CDCA2: variants seen among roughly 807,000 people sequenced by gnomAD.
The protein encoded by CDCA2 is cell division cycle-associated protein 2.
CDCA2 carries 44 observed loss-of-function variants against 67.0 expected under a neutral mutation model. That is an observed-to-expected ratio of 0.66 (90% CI 0.52 to 0.84). The LOEUF (loss-of-function observed/expected upper bound fraction) is 0.84, where lower values mean the gene tolerates loss of function less well. CDCA2 is among the 40% of genes least tolerant of loss of function. The pLI is 0.00. For synonymous variants in CDCA2, 447 were observed against 418.7 expected (o/e 1.07, Z -0.82); for missense variants, 1,253 against 1,203.2 (o/e 1.04, Z -0.61).
intron 8 of CDCA2, among the ~76,000 whole-genome samples, chr8:25,481,020 C>T (rs974526397): frequency 1.3e-5 from 2 of 152,038 alleles, no homozygotes; most frequent in African/African-American, 4.8e-5. Context: ...TGCCTACAAG[C>T]CTGTTCTGAT....
intron 7 of CDCA2, among the ~76,000 whole-genome samples, chr8:25,471,498 A>G (rs1803153894): frequency 6.6e-6 from 1 of 152,074 alleles, no homozygotes; most frequent in Non-Finnish European, 1.5e-5. Context: ...AGTAGCTAGA[A>G]TTACAGGTGC....
intron 7 of CDCA2, among the ~76,000 whole-genome samples, chr8:25,475,347 C>A (rs569316417): frequency 6.6e-6 from 1 of 152,088 alleles, no homozygotes; most frequent in Non-Finnish European, 1.5e-5. Context: ...GGTGAAATCC[C>A]GGCTCTACTA....
intron 3 of CDCA2, among the ~76,000 whole-genome samples, chr8:25,461,009 C>T (rs564485861): frequency 2.6e-5 from 4 of 152,142 alleles, no homozygotes; most frequent in African/African-American, 7.2e-5. Flanking sequence ...GGCTCAAGCC[C>T]GTAATCCCAG....
intron 11 of CDCA2, among the ~76,000 whole-genome samples, chr8:25,486,712 G>A (rs1038332599): frequency 6.6e-6 from 1 of 151,992 alleles, no homozygotes; most frequent in Non-Finnish European, 1.5e-5. Context: ...CTACTCAGGA[G>A]GCTGAGGCAG....
At chr8:25,482,407 A>G (rs76200992) in intron 8 of CDCA2, among the ~76,000 whole-genome samples, 8,188 of 152,248 alleles carry the variant, frequency 0.054, 713 homozygotes, top group African/African-American at 0.18. Flanking sequence ...ATCTGACACC[A>G]TATATGGTAC....
At chr8:25,478,667 A>G (rs535797452) in intron 7 of CDCA2, among the ~76,000 whole-genome samples, 9 of 152,046 alleles carry the variant, frequency 5.9e-5, no homozygotes, top group Non-Finnish European at 1.0e-4. Context: ...GGCCTCTGCT[A>G]TGCCAGGTAC....
rs753692360 is a variant in CDCA2 at position 25,468,213 on chromosome 8, A to G, written c.539-4A>G. ...GTCGTTTTGTTTTTATTTTGTGTTT[A>G]TAGCCAGAAAGGAAGGTCTCAGCGC... On this transcript the variant is annotated splice_polypyrimidine_tract_variant and splice_region_variant and intron_variant, in intron 5 of 14. Coordinates refer to ENST00000330560, the MANE Select transcript of CDCA2 (RefSeq NM_152562.4). 16 of 1,517,802 alleles carry G rather than the reference A, an allele frequency of 1.1e-5. No homozygotes were observed. Among genetic ancestry groups the G allele is most frequent in the African/African-American group, 5.6e-5 (4 of 71,434 alleles). The allele number at this position is 1,517,802 out of a possible 1,614,324, so 94.0% of individuals were successfully genotyped here.
chr8:25,503,288 TAAATAA>T, intron 13 of CDCA2, 79 bp from the exon 14 acceptor site: 2 of 1,003,146 alleles, frequency 2.0e-6, no homozygotes, highest in Non-Finnish European at 3.0e-6. Context: ...GTCTCAAAAA[TAAATAA>T]AAATAACTAG....
chr8:25,471,823 A>C (rs1239157693), intron 7 of CDCA2, among the ~76,000 whole-genome samples: 1 of 152,180 alleles, frequency 6.6e-6, no homozygotes, highest in Non-Finnish European at 1.5e-5. Context: ...ACAGGCCAAA[A>C]TTTTATTTAG....
At chr8:25,475,687 T>C (rs1803321529) in intron 7 of CDCA2, among the ~76,000 whole-genome samples, 1 of 152,138 alleles carries the variant, frequency 6.6e-6, no homozygotes, top group Admixed American at 6.5e-5. Flanking sequence ...GTGGGGAAGC[T>C]GGACAGGGAT....
chr8:25,475,453 A>T (rs544069619), intron 7 of CDCA2, among the ~76,000 whole-genome samples: 1 of 152,314 alleles, frequency 6.6e-6, no homozygotes, highest in Non-Finnish European at 1.5e-5. Flanking sequence ...CAGGAGGCGG[A>T]GGTTGCAGTG....
Position 25,507,513 on chromosome 8 carries a change from G to A in CDCA2, c.2847G>A (p.Gln949=). The change falls in exon 15 of 15, where the codon CAG becomes CAA. Residue 949 remains glutamine, a synonymous_variant. Transcript: ENST00000330560. ...KETVSSRQKP[Q]MAPPVSDPEN... ...CTGTGTCCTCCAGACAAAAACCGCA[G>A]ATGGCACCTCCCGTCTCAGATCCAG... 1 of 1,613,810 alleles carries A rather than the reference G, an allele frequency of 6.2e-7. No homozygotes were observed. Among genetic ancestry groups the A allele is most frequent in the Non-Finnish European group, 8.5e-7 (1 of 1,179,922 alleles).
At chr8:25,488,951 T>G (rs1803894892) in intron 13 of CDCA2, among the ~76,000 whole-genome samples, 1 of 152,156 alleles carries the variant, frequency 6.6e-6, no homozygotes, top group Non-Finnish European at 1.5e-5. Flanking sequence ...CCTGAAATTC[T>G]CATTCTCATC....
chr8:25,495,776 A>G (rs1262461142), intron 13 of CDCA2, among the ~76,000 whole-genome samples: 1 of 152,226 alleles, frequency 6.6e-6, no homozygotes, highest in Non-Finnish European at 1.5e-5. Flanking sequence ...TATAAACAGT[A>G]TGAAACACTC....
chr8:25,464,120 C>T (rs984944686), intron 4 of CDCA2, among the ~76,000 whole-genome samples: 1 of 152,188 alleles, frequency 6.6e-6, no homozygotes, highest in African/African-American at 2.4e-5. Context: ...TCACTCTAAA[C>T]GGTAATTTCC....
At chr8:25,496,642 A>T (rs1207526332) in intron 13 of CDCA2, among the ~76,000 whole-genome samples, 1 of 152,144 alleles carries the variant, frequency 6.6e-6, no homozygotes, top group African/African-American at 2.4e-5. Context: ...TCCAGAATAG[A>T]CAGTTCTCAA....
At chr8:25,467,060 AAAAAAACAC>A (rs1240585949) in intron 5 of CDCA2, among the ~76,000 whole-genome samples, 2 of 141,416 alleles carry the variant, frequency 1.4e-5, no homozygotes, top group Admixed American at 7.0e-5. Flanking sequence ...AAAAAAAAAA[AAAAAAACAC>A]ACACACACAC....
At chr8:25,460,342 C>CA (rs1802631449) in intron 2 of CDCA2, 42 bp downstream of exon 2, 2 of 1,614,118 alleles carry the variant, frequency 1.2e-6, no homozygotes, top group African/African-American at 1.3e-5. Context: ...AAGGTTTAGA[C>CA]AGAGAGTTGT....
chr8:25,488,022 A>G (rs917922758), intron 12 of CDCA2, among the ~76,000 whole-genome samples: 1 of 152,198 alleles, frequency 6.6e-6, no homozygotes, highest in Non-Finnish European at 1.5e-5. Context: ...CTGGGTTTCA[A>G]CTGGGAGTTA....
Sources: gnomAD v4.1 joint callset for allele counts (sites outside exome capture counted in the v4.1 genomes callset) on GRCh38, gnomAD v4.1.1 for gene constraint, MANE v1.5 for transcripts, NCBI Gene and HGNC (gene_info 2026-07-23, HGNC 2026-07-21) for gene names.